Variants in NRAS observed in about 807,000 individuals in gnomAD.
NRAS encodes the protein NRAS proto-oncogene, GTPase, also known as GTPase NRas.
A neutral mutation model predicts 21.3 loss-of-function variants in NRAS; 6 were observed. The observed-to-expected ratio is 0.28, with a 90% confidence interval of 0.15 to 0.56. NRAS has a LOEUF of 0.56. NRAS is among the 20% of genes least tolerant of loss of function. NRAS has a pLI of 0.93. For missense variants in NRAS, 143 were observed against 231.3 expected, an observed-to-expected ratio of 0.62 and a Z score of 2.48; for synonymous variants, 84 against 82.0, an observed-to-expected ratio of 1.02 and a Z score of -0.13.
intron 4 of NRAS, among the ~76,000 whole-genome samples, chr1:114,709,124 A>G (rs1157317545): frequency 6.6e-6 from 1 of 152,246 alleles, no homozygotes; most frequent in Non-Finnish European, 1.5e-5. Flanking sequence ...AGCGTTAAGA[A>G]AAAGAACACT....
intron 3 of NRAS, among the ~76,000 whole-genome samples, chr1:114,711,471 G>A (rs1246394366): frequency 6.6e-6 from 1 of 151,796 alleles, no homozygotes; most frequent in Non-Finnish European, 1.5e-5. Context: ...CATGGTGGTG[G>A]ACGCCTGTAA....
intron 2 of NRAS, 27 bp downstream of exon 2, chr1:114,716,023 G>A (rs1288684634): frequency 7.7e-7 from 1 of 1,300,140 alleles, no homozygotes; most frequent in Middle Eastern, 1.8e-4. Flanking sequence ...GACAGGATCA[G>A]GTCAGCGGGC....
In NRAS at chr1:114,706,042, TAC is replaced by T. The variant is rs1003553984; in HGVS notation, c.*2050_*2051del. The T allele has an allele frequency of 2.0e-5, 3 of 152,154 alleles. No homozygotes were observed. Among genetic ancestry groups the T allele is most frequent in the African/African-American group, 7.2e-5 (3 of 41,436 alleles). 9.4% of individuals were successfully genotyped at this position (152,154 alleles called of 1,614,324 possible). On this transcript the variant is annotated 3_prime_UTR_variant, in exon 7 of 7. Coordinates refer to ENST00000369535, the MANE Select transcript of NRAS (RefSeq NM_002524.5). ...CTGAGGTGATAAGCCTCAGGAAAATTACAGAGTAGCACTGCTCCAGAAGGAGC... is the reference window on the plus strand; with the variant it reads ...CTGAGGTGATAAGCCTCAGGAAAATTAGAGTAGCACTGCTCCAGAAGGAGC...
chr1:114,707,209 T>C lies in NRAS; in HGVS notation c.*885A>G, dbSNP rs943486356. On this transcript the variant is annotated 3_prime_UTR_variant, in exon 7 of 7. Transcript: ENST00000369535. ...TGGAGATTAGGTAAAAATTATTAAG[T>C]GAAATTATTCATGTGCTTTCAGTTT... is the stretch of plus-strand genomic sequence containing the variant. 6.6e-6 allele frequency: 1 copy of C among 152,612 alleles called. No individual in the cohort carries two copies. The highest frequency in any genetic ancestry group is 2.4e-5 in the African/African-American group (1 of 41,456). 9.5% of individuals were successfully genotyped at this position (152,612 alleles called of 1,614,324 possible).
chr1:114,715,305 G>A (rs566258463), intron 2 of NRAS, among the ~76,000 whole-genome samples: 6 of 152,250 alleles, frequency 3.9e-5, no homozygotes, highest in East Asian at 3.9e-4. Context: ...GATTACAGGC[G>A]TGAGCCACCG....
chr1:114,715,972 T>A, intron 2 of NRAS, 78 bp downstream of exon 2: 2 of 922,738 alleles, frequency 2.2e-6, no homozygotes, highest in Non-Finnish European at 3.6e-6. Flanking sequence ...CTCTTATTCC[T>A]TTAATACAGA....
intron 3 of NRAS, among the ~76,000 whole-genome samples, chr1:114,711,979 T>C (rs1261398442): frequency 6.6e-6 from 1 of 152,236 alleles, no homozygotes; most frequent in Non-Finnish European, 1.5e-5. Flanking sequence ...CACAGTACTG[T>C]TTTAGTCTCT....
At chr1:114,711,786 G>A (rs72994453) in intron 3 of NRAS, among the ~76,000 whole-genome samples, 4,790 of 152,190 alleles carry the variant, frequency 0.031, 263 homozygotes, top group African/African-American at 0.11. Flanking sequence ...GCACACCTGG[G>A]AAACAATTGC....
At chr1:114,712,027 C>T (rs1659060896) in intron 3 of NRAS, among the ~76,000 whole-genome samples, 1 of 152,220 alleles carries the variant, frequency 6.6e-6, no homozygotes, top group Non-Finnish European at 1.5e-5. Context: ...ATCTGAACTA[C>T]ATTCCACTGG....
intron 3 of NRAS, among the ~76,000 whole-genome samples, chr1:114,712,323 C>A (rs1659066063): frequency 6.6e-6 from 1 of 152,206 alleles, no homozygotes; most frequent in South Asian, 2.1e-4. Context: ...AATATGCTCA[C>A]TCCTAAATTT....
rs754048062 is a variant in NRAS, at chr1:114,708,672, G to GA, written c.451-19dup. On this transcript the variant is annotated intron_variant, in intron 4 of 6. Coordinates refer to ENST00000369535, the MANE Select transcript of NRAS (RefSeq NM_002524.5). ...TCAACACCCTATAAAAGGAAAAAAT[G>GA]AAAAAAAATGAGAGAGCTAGCTCAA... 1.4e-5 allele frequency: 23 copies of GA among 1,606,720 alleles called. No individual in the cohort carries two copies. Among genetic ancestry groups the GA allele is most frequent in the East Asian group, 6.7e-5 (3 of 44,840 alleles).
At chr1:114,708,486 C>CTA in intron 5 of NRAS, 45 bp downstream of exon 5, 1 of 1,594,244 alleles carries the variant, frequency 6.3e-7, no homozygotes, top group Non-Finnish European at 8.6e-7. Context: ...TTGCCCAATA[C>CTA]TATATACTAA....
rs1658927453 is a variant in NRAS, at chr1:114,706,750, C to T, written c.*1344G>A. The stretch of plus-strand genomic sequence containing the variant: ...AAATTACTAGCTGGAGTTACTGGTG[C>T]AATGAGCAAATGCAGAAGAATTTCT... On this transcript the variant is annotated 3_prime_UTR_variant, in exon 7 of 7. Transcript: ENST00000369535. 4 of 152,182 alleles carry T rather than the reference C, an allele frequency of 2.6e-5. No homozygotes were observed. Among genetic ancestry groups the T allele is most frequent in the Non-Finnish European group, 4.4e-5 (3 of 68,036 alleles). 9.4% of individuals were successfully genotyped at this position (152,182 alleles called of 1,614,324 possible).
rs1658995926 is a variant in NRAS, at chr1:114,709,598, A to C, written c.421T>G (p.Phe141Val). 1 of 1,614,132 alleles carries C rather than the reference A, an allele frequency of 6.2e-7. No individual in the cohort carries two copies. Among genetic ancestry groups the C allele is most frequent in the East Asian group, 2.2e-5 (1 of 44,880 alleles). Reference protein sequence around the residue: ...HELAKSYGIPFIETSAKTRQG... With the variant: ...HELAKSYGIPVIETSAKTRQG... ...CTGGTCTTGGCTGAGGTTTCAATGA[A>C]TGGAATCCCGTAACTCTTGGCCAGT... is the stretch of plus-strand genomic sequence containing the variant. Residue 141 changes from phenylalanine (F) to valine (V), a missense_variant, in exon 4 of 7, where the codon TTC (phenylalanine) becomes GTC (valine). By Grantham distance (50) the Phe-to-Val change is conservative. Coordinates refer to ENST00000369535, the MANE Select transcript of NRAS (RefSeq NM_002524.5).
intron 3 of NRAS, among the ~76,000 whole-genome samples, chr1:114,712,413 CATAAG>C (rs1490992362): frequency 6.6e-6 from 1 of 152,130 alleles, no homozygotes; most frequent in Non-Finnish European, 1.5e-5. Flanking sequence ...TATGCATTTT[CATAAG>C]ATGTTTTAAA....
intron 3 of NRAS, 103 bp downstream of exon 3, chr1:114,713,697 C>T: frequency 1.0e-6 from 1 of 985,312 alleles, no homozygotes; most frequent in South Asian, 1.3e-5. Context: ...CAACTCTTCC[C>T]ATAATTAAAA....
chr1:114,708,664 GAAAAAATGAA>G lies in NRAS; in HGVS notation c.451-20_451-11del. The G allele has an allele frequency of 6.2e-7, 1 of 1,606,416 alleles. No homozygotes were observed. The highest frequency in any genetic ancestry group is 8.5e-7 in the Non-Finnish European group (1 of 1,177,106). ...AAGCATCTTCAACACCCTATAAAAG[GAAAAAATGAA>G]AAAAAATGAGAGAGCTAGCTCAACG... On this transcript the variant is annotated splice_polypyrimidine_tract_variant and intron_variant, in intron 4 of 6. Transcript: ENST00000369535.
At chr1:114,710,426 G>A (rs1659020813) in intron 3 of NRAS, among the ~76,000 whole-genome samples, 1 of 148,380 alleles carries the variant, frequency 6.7e-6, no homozygotes, top group African/African-American at 2.5e-5. Flanking sequence ...TGAGGTGGGA[G>A]GATCACCTGG....
At chr1:114,713,422 C>T (rs556266855) in intron 3 of NRAS, among the ~76,000 whole-genome samples, 2 of 152,230 alleles carry the variant, frequency 1.3e-5, no homozygotes, top group East Asian at 3.9e-4. Flanking sequence ...CCTTGGCCTC[C>T]CAAAGCACTG....
Sources: gnomAD v4.1 joint callset for allele counts (sites outside exome capture counted in the v4.1 genomes callset) on GRCh38, gnomAD v4.1.1 for gene constraint, MANE v1.5 for transcripts, NCBI Gene and HGNC (gene_info 2026-07-23, HGNC 2026-07-21) for gene names.